Variants in TET3 observed in about 807,000 individuals in gnomAD.
TET3 encodes tet methylcytosine dioxygenase 3, also known as methylcytosine dioxygenase TET3.
Under a neutral mutation model 141.4 loss-of-function variants are expected in TET3, and 19 were observed. The ratio of observed to expected loss-of-function variants is 0.13; its 90% CI spans 0.09 to 0.20. The LOEUF (loss-of-function observed/expected upper bound fraction) is 0.20, where lower values mean the gene tolerates loss of function less well. Among genes scored for constraint, TET3 ranks in the 10% least tolerant of loss-of-function variants. The pLI is 1.00. For missense variants in TET3, 1,874 were observed against 2,356.9 expected (o/e 0.80, Z 4.24); for synonymous variants, 1,043 against 980.9 (o/e 1.06, Z -1.18).
chr2:74,037,854 C>G (rs561059600), intron 3 of TET3, among the ~76,000 whole-genome samples: 1 of 152,190 alleles, frequency 6.6e-6, no homozygotes, highest in African/African-American at 2.4e-5. Context: ...TAGAGAATTG[C>G]TGATCTGGTT....
chr2:74,109,403 C>G (rs828864), downstream of TET3, among the ~76,000 whole-genome samples: 53,193 of 152,082 alleles, frequency 0.35, 9,787 homozygotes, highest in East Asian at 0.52. Flanking sequence ...ATAATACAAT[C>G]TTGTAATCTT....
chr2:74,113,816 TG>T, the TET3 span, among the ~76,000 whole-genome samples: 1 of 150,064 alleles, frequency 6.7e-6, no homozygotes. Context: ...TACAAACAAA[TG>T]GAAAGACATC....
chr2:74,102,411 A>G lies in TET3; in HGVS notation c.*235A>G, dbSNP rs1572908939. 2.2e-6 allele frequency: 1 copy of G among 457,732 alleles called. No individual in the cohort carries two copies. The highest frequency in any genetic ancestry group is 4.2e-5 in the East Asian group (1 of 23,686). 28.4% of individuals were successfully genotyped at this position (457,732 alleles called of 1,614,324 possible). A position where few individuals can be genotyped will look rare whatever the true frequency, so the allele number is the denominator to read the frequency against. On this transcript the variant is annotated 3_prime_UTR_variant, in exon 12 of 12. Transcript: ENST00000409262. ...AAGAAGAAACTACGGCTGTCGGGTG[A>G]TTTTTCCGTGATCTTAATATTTATA...
At chr2:74,125,396 A>G in the TET3 span, among the ~76,000 whole-genome samples, 2 of 152,224 alleles carry the variant, frequency 1.3e-5, no homozygotes. Flanking sequence ...ACGTTTTCAG[A>G]CAGCCACACA....
chr2:74,133,667 G>A, the TET3 span, among the ~76,000 whole-genome samples: 1 of 152,328 alleles, frequency 6.6e-6, no homozygotes, highest in African/African-American at 2.4e-5. Flanking sequence ...ACAATCCAAG[G>A]GAGAGAGCAA....
In TET3 at chr2:74,100,907, C is replaced by G. The variant is rs763835477; in HGVS notation, c.4119C>G (p.Pro1373=). 2 of 1,610,362 alleles carry G rather than the reference C, an allele frequency of 1.2e-6. No homozygotes were observed. The highest frequency in any genetic ancestry group is 1.7e-6 in the Non-Finnish European group (2 of 1,178,464). Residue 1373 remains proline, a synonymous_variant, in exon 12 of 12, where the codon CCC becomes CCG. Coordinates refer to ENST00000409262, the MANE Select transcript of TET3 (RefSeq NM_001287491.2). The part of the protein sequence containing the change: ...GPKEYLLPKA[P]LLHSVSRDPS... ...AGGAGTATCTGCTTCCCAAGGCCCC[C>G]CTACTCCACTCAGTGTCCAGGGACC...
At position 74,093,720 on chromosome 2, in the gene TET3, C is replaced by G. The variant is rs757887730; in HGVS notation, c.3267+54C>G. ...CTGTGGGGCAACTGTGGGAGGGAGT[C>G]CACCGTGGTCTTTTCAGAAAGGCAG... On this transcript the variant is annotated intron_variant, in intron 10 of 11. Coordinates refer to ENST00000409262, the MANE Select transcript of TET3 (RefSeq NM_001287491.2). This position sits in a 1 kb window ranked among gnomAD's most constrained non-coding sequence, Gnocchi z 4.2. The G allele has an allele frequency of 6.8e-7, 1 of 1,478,710 alleles. No individual in the cohort carries two copies. The highest frequency in any genetic ancestry group is 9.0e-7 in the Non-Finnish European group (1 of 1,105,046). 91.6% of individuals were successfully genotyped at this position (1,478,710 alleles called of 1,614,324 possible).
chr2:74,054,618 A>G (rs1029176439), intron 4 of TET3, among the ~76,000 whole-genome samples: 4 of 131,054 alleles, frequency 3.1e-5, no homozygotes, highest in African/African-American at 1.2e-4. Flanking sequence ...GATCAAAAAG[A>G]AGCCCCAGAA....
intron 5 of TET3, among the ~76,000 whole-genome samples, chr2:74,076,535 A>G (rs1020818705): frequency 2.7e-5 from 4 of 147,354 alleles, no homozygotes; most frequent in African/African-American, 1.0e-4. Flanking sequence ...TTCTCATATA[A>G]CAAGATATTC....
chr2:74,020,682 G>T (rs1250014130), intron 3 of TET3, among the ~76,000 whole-genome samples: 1 of 152,196 alleles, frequency 6.6e-6, no homozygotes, highest in Non-Finnish European at 1.5e-5. Context: ...AGGAACAAGG[G>T]AACTCCCACC....
chr2:74,048,597 G>A (rs1687775361), intron 4 of TET3, among the ~76,000 whole-genome samples, 186 bp downstream of exon 4: 1 of 152,218 alleles, frequency 6.6e-6, no homozygotes, highest in African/African-American at 2.4e-5. Flanking sequence ...ACGTGATACT[G>A]TGCGTGTATG....
At chr2:74,055,715 G>T (rs1311208474) in intron 4 of TET3, among the ~76,000 whole-genome samples, 3 of 152,202 alleles carry the variant, frequency 2.0e-5, no homozygotes, top group Non-Finnish European at 4.4e-5. Context: ...GCCTTTAAGA[G>T]GTGATTGGGT....
chr2:74,086,846 C>T (rs892786875), intron 6 of TET3, among the ~76,000 whole-genome samples: 2 of 148,326 alleles, frequency 1.3e-5, no homozygotes, highest in Non-Finnish European at 3.0e-5. Context: ...ACATTTTAAC[C>T]ATTTTTCAGT....
intron 2 of TET3, among the ~76,000 whole-genome samples, chr2:74,000,372 A>G (rs1304805728): frequency 6.6e-6 from 1 of 152,206 alleles, no homozygotes; most frequent in African/African-American, 2.4e-5. Flanking sequence ...GTGTAAATAA[A>G]TAACTGCACT....
rs1691325727 is a variant in TET3 at position 74,103,146 on chromosome 2, G to T, written c.*970G>T. ...TGAGCTGAAGGAATTTGTCTTAGTG[G>T]CAGTTTTTTAAAAAATGCCCCCAAA... On this transcript the variant is annotated 3_prime_UTR_variant, in exon 12 of 12. Transcript: ENST00000409262. 1 of 152,212 alleles carries T rather than the reference G, an allele frequency of 6.6e-6. No homozygotes were observed. Among genetic ancestry groups the T allele is most frequent in the African/African-American group, 2.4e-5 (1 of 41,442 alleles). The allele number at this position is 152,212 out of a possible 1,614,324, so 9.4% of individuals were successfully genotyped here. A position where few individuals can be genotyped will look rare whatever the true frequency, so the allele number is the denominator to read the frequency against.
the TET3 span, among the ~76,000 whole-genome samples, chr2:74,125,013 C>CTTT: frequency 7.2e-6 from 1 of 138,364 alleles, no homozygotes; most frequent in South Asian, 2.3e-4. Flanking sequence ...AATTTTTTTT[C>CTTT]TTTTTTTTTT....
chr2:74,111,855 G>C (rs912997662), downstream of TET3, among the ~76,000 whole-genome samples: 1 of 152,120 alleles, frequency 6.6e-6, no homozygotes, highest in Non-Finnish European at 1.5e-5. Flanking sequence ...ACAAACCCAA[G>C]GGACATTGTC....
At chr2:74,030,912 G>A (rs1686644804) in intron 3 of TET3, among the ~76,000 whole-genome samples, 1 of 152,208 alleles carries the variant, frequency 6.6e-6, no homozygotes, top group Non-Finnish European at 1.5e-5. Flanking sequence ...ACATCAGAGG[G>A]GATGGAAGGG....
In TET3 at chr2:74,101,022, A is replaced by C; in HGVS notation, c.4234A>C (p.Arg1412=). ...DPLTQAEPVP[R]DAGKMGKTPL... ...GCTGACCCAGGCTGAGCCTGTGCCC[A>C]GAGACGCTGGCAAGATGGGCAAGAC... The change falls in exon 12 of 12, where the codon AGA becomes CGA. Residue 1412 remains arginine (R), a synonymous_variant. Coordinates refer to ENST00000409262, the MANE Select transcript of TET3 (RefSeq NM_001287491.2). This position sits in a 1 kb window ranked among gnomAD's most constrained non-coding sequence, Gnocchi z 8.5. The C allele has an allele frequency of 6.2e-7, 1 of 1,613,260 alleles. No individual in the cohort carries two copies. Among genetic ancestry groups the C allele is most frequent in the South Asian group, 1.1e-5 (1 of 90,900 alleles).
Sources: allele counts gnomAD v4.1 joint callset (sites outside exome capture counted in the v4.1 genomes callset), GRCh38; gene constraint gnomAD v4.1.1; non-coding constraint Gnocchi (gnomAD v3.1); transcripts MANE v1.5; gene names NCBI Gene and HGNC (gene_info 2026-07-23, HGNC 2026-07-21).